The following DPYSL3 variants were observed in gnomAD, a reference collection of about 807,000 sequenced individuals.
The protein encoded by DPYSL3 is dihydropyrimidinase-related protein 3.
A neutral mutation model predicts 66.1 loss-of-function variants in DPYSL3; 16 were observed. That is an observed-to-expected ratio of 0.24 (90% confidence interval 0.16 to 0.37). The LOEUF is 0.37. Among genes scored for constraint, DPYSL3 ranks in the 10% least tolerant of loss-of-function variants. The pLI is 1.00. For missense variants in DPYSL3, 738 were observed against 916.2 expected (o/e 0.81, Z 2.51); for synonymous variants, 338 against 345.1 (o/e 0.98, Z 0.23).
intron 1 of DPYSL3, among the ~76,000 whole-genome samples, chr5:147,478,888 T>C (rs796979103): frequency 1.1e-4 from 16 of 152,280 alleles, no homozygotes; most frequent in African/African-American, 3.4e-4. Flanking sequence ...GGACACTGTC[T>C]CCCCAAACTG....
At chr5:147,467,882 A>G (rs1310965698) in intron 1 of DPYSL3, among the ~76,000 whole-genome samples, 3 of 152,198 alleles carry the variant, frequency 2.0e-5, no homozygotes, top group African/African-American at 4.8e-5. Flanking sequence ...TGAGTGGCCT[A>G]TTCCTCCTGG....
chr5:147,470,239 G>A (rs1179932631), intron 1 of DPYSL3, among the ~76,000 whole-genome samples: 1 of 152,088 alleles, frequency 6.6e-6, no homozygotes, highest in African/African-American at 2.4e-5. Context: ...TTGACCTTCA[G>A]AGCACTCCCT....
At chr5:147,395,533 T>A (rs1001783638) in intron 13 of DPYSL3, 26 bp downstream of exon 13, 2 of 1,594,298 alleles carry the variant, frequency 1.3e-6, no homozygotes, top group African/African-American at 2.7e-5. Flanking sequence ...CCTTCTCTTA[T>A]CTTTTGATGA....
chr5:147,453,681 G>C (rs1581203265), intron 1 of DPYSL3: 3 of 1,442,210 alleles, frequency 2.1e-6, no homozygotes, highest in Non-Finnish European at 2.7e-6. Flanking sequence ...CCCGAGATCA[G>C]GTGGAGTGAA....
intron 1 of DPYSL3, among the ~76,000 whole-genome samples, chr5:147,470,901 C>T (rs763491892): frequency 6.6e-6 from 1 of 152,108 alleles, no homozygotes; most frequent in African/African-American, 2.4e-5. Context: ...CTGCTGACCT[C>T]GGTCCTCCAC....
intron 1 of DPYSL3, among the ~76,000 whole-genome samples, chr5:147,507,960 C>G (rs943837082): frequency 2.0e-5 from 3 of 152,182 alleles, no homozygotes; most frequent in Non-Finnish European, 2.9e-5. Context: ...TACTCCCGCC[C>G]GTTCCAGTCA....
intron 1 of DPYSL3, among the ~76,000 whole-genome samples, chr5:147,488,532 C>T (rs1753369834): frequency 1.3e-5 from 2 of 152,128 alleles, no homozygotes; most frequent in African/African-American, 4.8e-5. Flanking sequence ...GCCTGGGCAA[C>T]ATAGGGAAAC....
chr5:147,402,191 G>A (rs574196368), intron 8 of DPYSL3, among the ~76,000 whole-genome samples: 3 of 152,208 alleles, frequency 2.0e-5, no homozygotes, highest in Non-Finnish European at 2.9e-5. Context: ...GGTAAATATC[G>A]CTTTCTTTAC....
chr5:147,459,827 G>T (rs1023999045), intron 1 of DPYSL3, among the ~76,000 whole-genome samples: 2 of 152,176 alleles, frequency 1.3e-5, no homozygotes, highest in African/African-American at 4.8e-5. Flanking sequence ...CAGGTTGCGA[G>T]AGGCCGGGTG....
intron 11 of DPYSL3, 73 bp from the exon 12 acceptor site, chr5:147,397,918 C>A: frequency 7.2e-7 from 1 of 1,395,050 alleles, no homozygotes; most frequent in Non-Finnish European, 9.5e-7. Flanking sequence ...TCCTTGAGAC[C>A]TTCAGTGTCA....
At chr5:147,482,672 G>C (rs1325169629) in intron 1 of DPYSL3, among the ~76,000 whole-genome samples, 1 of 152,188 alleles carries the variant, frequency 6.6e-6, no homozygotes, top group Non-Finnish European at 1.5e-5. Context: ...TATCAAAGCA[G>C]TTTCACTTGT....
intron 1 of DPYSL3, among the ~76,000 whole-genome samples, chr5:147,499,425 G>C (rs1484876791): frequency 5.3e-5 from 8 of 151,982 alleles, no homozygotes; most frequent in African/African-American, 1.9e-4. Flanking sequence ...AAATACTTAG[G>C]TATAAATCTA....
chr5:147,447,998 G>A (rs925053333), intron 1 of DPYSL3, among the ~76,000 whole-genome samples: 5 of 152,044 alleles, frequency 3.3e-5, no homozygotes, highest in Admixed American at 1.3e-4. Flanking sequence ...ACATTTTGCC[G>A]TTTTTCAAAT....
At chr5:147,501,866 G>C (rs1281171322) in intron 1 of DPYSL3, among the ~76,000 whole-genome samples, 2 of 152,044 alleles carry the variant, frequency 1.3e-5, no homozygotes, top group Non-Finnish European at 2.9e-5. Flanking sequence ...GTGTGTTTAT[G>C]GAGACAGGGG....
In DPYSL3 at chr5:147,509,303, AAT is replaced by A. The variant is rs1373647464; in HGVS notation, c.381+173_381+174del. 6.6e-6 allele frequency among the ~76,000 whole-genome samples: 1 copy of A among 152,214 alleles called. No homozygotes were observed. Among genetic ancestry groups the A allele is most frequent in the Non-Finnish European group, 1.5e-5 (1 of 68,034 alleles). ...GATGCTGCAAGTGGCGACACGCGCG[AAT>A]CCAGGGTCTGGGCTAGGAAGTCGCG... On this transcript the variant is annotated intron_variant, in intron 1 of 13. Coordinates refer to ENST00000343218, the MANE Select transcript of DPYSL3 (RefSeq NM_001197294.2). The surrounding 1 kb of genome is among the most constrained non-coding windows in gnomAD (Gnocchi z 5.3).
chr5:147,504,519 G>A (rs1455574076), intron 1 of DPYSL3, among the ~76,000 whole-genome samples: 2 of 152,092 alleles, frequency 1.3e-5, no homozygotes, highest in Non-Finnish European at 2.9e-5. Context: ...TACACACCAG[G>A]GTTTGGATTC....
Position 147,394,103 on chromosome 5 carries a change from C to T in DPYSL3, c.1987G>A (p.Val663Ile). Residue 663 changes from valine to isoleucine, a missense_variant, in exon 14 of 14, where the codon GTT becomes ATT. Val to Ile is a conservative substitution (Grantham distance 29, BLOSUM62 3). Coordinates refer to ENST00000343218, the MANE Select transcript of DPYSL3 (RefSeq NM_001197294.2). ...SLSGTQVDEG[V>I]RSASKRIVAP... Reference sequence around the variant, plus strand: ...ACGATGCGCTTGCTGGCTGAGCGAACCCCCTCATCCACTTGGGTGCCTACA... The same window carrying T: ...ACGATGCGCTTGCTGGCTGAGCGAATCCCCTCATCCACTTGGGTGCCTACA... 2 of 1,614,142 alleles carry T rather than the reference C, an allele frequency of 1.2e-6. No homozygotes were observed. The highest frequency in any genetic ancestry group is 1.7e-6 in the Non-Finnish European group (2 of 1,180,018).
At chr5:147,397,181 T>A (rs1014052982) in intron 12 of DPYSL3, among the ~76,000 whole-genome samples, 27 of 47,030 alleles carry the variant, frequency 5.7e-4, no homozygotes, top group Non-Finnish European at 9.7e-4. Context: ...GACCTATATA[T>A]ATATATATAC....
intron 13 of DPYSL3, 39 bp downstream of exon 13, chr5:147,395,520 C>A (rs1319408656): frequency 3.8e-6 from 6 of 1,577,294 alleles, no homozygotes; most frequent in African/African-American, 1.4e-5. Context: ...TCTTCCCCTT[C>A]CCCCTTCTCT....
Sources: allele counts gnomAD v4.1 joint callset (sites outside exome capture counted in the v4.1 genomes callset), GRCh38; gene constraint gnomAD v4.1.1; non-coding constraint Gnocchi (gnomAD v3.1); transcripts MANE v1.5; gene names NCBI Gene and HGNC (gene_info 2026-07-23, HGNC 2026-07-21).